Variants in TRHDE observed in about 807,000 individuals in gnomAD.
TRHDE encodes thyrotropin releasing hormone degrading enzyme.
In TRHDE, 72 loss-of-function variants were observed where a neutral mutation model predicts 125.7. That is an observed-to-expected ratio of 0.57 (90% CI 0.47 to 0.70). The LOEUF is 0.70. Ranked by LOEUF, TRHDE falls within the 30% of genes least tolerant of loss-of-function variation. TRHDE has a pLI of 0.00. For missense variants in TRHDE, 1,110 were observed against 1,327.1 expected (o/e 0.84, Z 2.54); for synonymous variants, 509 against 509.1 (o/e 1.00, Z 0.00).
At chr12:72,365,273 G>T (rs1003448192) in intron 2 of TRHDE, among the ~76,000 whole-genome samples, 32 of 151,938 alleles carry the variant, frequency 2.1e-4, no homozygotes, top group African/African-American at 7.5e-4. Context: ...TGCTTGTTGT[G>T]GGGCTAAATG....
chr12:72,259,464 T>C (rs896888770), intron 2 of TRHDE, among the ~76,000 whole-genome samples: 9 of 152,160 alleles, frequency 5.9e-5, no homozygotes, highest in Non-Finnish European at 4.4e-5. Context: ...TTGTTTCTTA[T>C]AGTGGAAAGC....
intron 3 of TRHDE, among the ~76,000 whole-genome samples, chr12:72,443,192 C>CTGTGTG (rs58277850): frequency 0.053 from 7,647 of 144,396 alleles, 242 homozygotes; most frequent in African/African-American, 0.079. Flanking sequence ...TACTTCTTTC[C>CTGTGTG]TGTGTGTGTG....
chr12:72,142,799 T>G (rs1876146146), intron 2 of TRHDE, among the ~76,000 whole-genome samples: 3 of 151,808 alleles, frequency 2.0e-5, no homozygotes. Flanking sequence ...AGGAGTTCAG[T>G]AGGGGACAGT....
At chr12:72,657,296 A>G (rs2136113725) in intron 18 of TRHDE, among the ~76,000 whole-genome samples, 1 of 152,260 alleles carries the variant, frequency 6.6e-6, no homozygotes, top group South Asian at 2.1e-4. Flanking sequence ...TATTCCTCAA[A>G]TGATTCTATT....
In TRHDE at chr12:72,568,666, A is replaced by G. The variant is rs777008732; in HGVS notation, c.2131+10A>G. On this transcript the variant is annotated intron_variant, in intron 10 of 18. Coordinates refer to ENST00000261180, the MANE Select transcript of TRHDE (RefSeq NM_013381.3). ...GTGTCTAACAAATCAGGTAAACTAT[A>G]TATTCTCCCCTGAGGAAGTATCTGG... The G allele has an allele frequency of 1.3e-6, 2 of 1,579,794 alleles. No homozygotes were observed. Among genetic ancestry groups the G allele is most frequent in the Non-Finnish European group, 1.7e-6 (2 of 1,150,166 alleles).
At chr12:72,564,336 C>T (rs543150036) in intron 9 of TRHDE, among the ~76,000 whole-genome samples, 1 of 152,226 alleles carries the variant, frequency 6.6e-6, no homozygotes, top group Non-Finnish European at 1.5e-5. Flanking sequence ...CAAGCACAAG[C>T]GTAGGCATCA....
intron 2 of TRHDE, among the ~76,000 whole-genome samples, chr12:72,149,893 A>C (rs1175849360): frequency 6.6e-6 from 1 of 152,180 alleles, no homozygotes; most frequent in South Asian, 2.1e-4. Flanking sequence ...AAAGAGTTCC[A>C]CTATATGGAT....
rs143199907 is a variant in TRHDE at position 72,175,693 on chromosome 12, C to T, written n.279+69941C>T. Among the ~76,000 whole-genome samples, 364 of 152,278 alleles carry T rather than the reference C, an allele frequency of 2.4e-3. 2 individuals carry two copies. The highest frequency in any genetic ancestry group is 4.0e-3 in the Non-Finnish European group (269 of 68,032). On this transcript the variant is annotated intron_variant and non_coding_transcript_variant, in intron 2 of 4. Transcript: ENST00000548156. ...TTGTAACTCTTTACCTAATGGACCA[C>T]CTATACTTACAAGTACAGCCCATTA...
intron 3 of TRHDE, among the ~76,000 whole-genome samples, chr12:72,433,298 A>G (rs750605226): frequency 1.8e-4 from 27 of 152,198 alleles, no homozygotes; most frequent in Middle Eastern, 6.8e-3. Flanking sequence ...TCCCAGAGTA[A>G]TACAGCCTTC....
intron 6 of TRHDE, among the ~76,000 whole-genome samples, chr12:72,509,005 T>C (rs966309505): frequency 7.9e-5 from 12 of 152,152 alleles, no homozygotes; most frequent in Admixed American, 3.9e-4. Context: ...GTACAGCCTA[T>C]GGAACTGTGA....
intron 6 of TRHDE, among the ~76,000 whole-genome samples, chr12:72,504,305 ATT>A (rs748855139): frequency 7.4e-4 from 105 of 141,518 alleles, no homozygotes; most frequent in African/African-American, 1.2e-3. Context: ...CACTAAGAAA[ATT>A]TTTTTTTTTT....
At chr12:72,662,159 G>A (rs1210584161) in intron 18 of TRHDE, among the ~76,000 whole-genome samples, 2 of 152,100 alleles carry the variant, frequency 1.3e-5, no homozygotes, top group African/African-American at 4.8e-5. Context: ...CCCACCATAT[G>A]ATGAATTACA....
At chr12:72,360,289 G>A (rs1871009334) in intron 2 of TRHDE, among the ~76,000 whole-genome samples, 1 of 151,768 alleles carries the variant, frequency 6.6e-6, no homozygotes, top group Non-Finnish European at 1.5e-5. Flanking sequence ...GCCATAATGT[G>A]CAAGGCTGTC....
chr12:72,499,366 T>C lies in TRHDE; in HGVS notation c.1585-132T>C. ...TAAGGAGCATTTTTATTGGGTTCAC[T>C]TTAGAGTTGAGTCATGCCTTGGAAG... On this transcript the variant is annotated intron_variant, in intron 5 of 18. Transcript: ENST00000261180. 6 of 1,209,218 alleles carry C rather than the reference T, an allele frequency of 5.0e-6. No homozygotes were observed. In the South Asian group the frequency reaches 9.7e-5, roughly 19 times the overall value. The allele number at this position is 1,209,218 out of a possible 1,614,324, so 74.9% of individuals were successfully genotyped here.
At chr12:72,153,763 G>GT (rs1227112098) in intron 2 of TRHDE, among the ~76,000 whole-genome samples, 1 of 152,188 alleles carries the variant, frequency 6.6e-6, no homozygotes, top group Non-Finnish European at 1.5e-5. Flanking sequence ...CTGAGAGACA[G>GT]TTTTTTATAA....
intron 2 of TRHDE, among the ~76,000 whole-genome samples, chr12:72,197,590 T>C (rs1288372574): frequency 6.6e-6 from 1 of 152,194 alleles, no homozygotes; most frequent in Non-Finnish European, 1.5e-5. Flanking sequence ...AAATGTTTAC[T>C]ATGGCCCATA....
intron 15 of TRHDE, among the ~76,000 whole-genome samples, chr12:72,643,502 T>C (rs936086734): frequency 1.3e-5 from 2 of 152,232 alleles, no homozygotes; most frequent in African/African-American, 4.8e-5. Context: ...GCCCTTGTTC[T>C]AGGCAGCTTT....
At chr12:72,216,446 G>T (rs1202270615) in intron 2 of TRHDE, among the ~76,000 whole-genome samples, 1 of 152,188 alleles carries the variant, frequency 6.6e-6, no homozygotes, top group Non-Finnish European at 1.5e-5. Context: ...GAGAAGCCAA[G>T]ATAAAAGTCA....
intron 2 of TRHDE, among the ~76,000 whole-genome samples, chr12:72,193,564 T>TA (rs1301300068): frequency 2.0e-5 from 3 of 152,122 alleles, no homozygotes; most frequent in Admixed American, 1.3e-4. Context: ...CACTGGGAAT[T>TA]ACCTATTTTC....
Sources: gnomAD v4.1 joint callset for allele counts (sites outside exome capture counted in the v4.1 genomes callset) on GRCh38, gnomAD v4.1.1 for gene constraint, MANE v1.5 for transcripts, NCBI Gene and HGNC (gene_info 2026-07-23, HGNC 2026-07-21) for gene names.